The following ACTN1 variants were observed in gnomAD, a reference collection of about 807,000 sequenced individuals.
ACTN1 encodes actinin alpha 1.
In ACTN1, 30 loss-of-function variants were observed where a neutral mutation model predicts 119.6. The ratio of observed to expected loss-of-function variants is 0.25; its 90% CI spans 0.19 to 0.34. The LOEUF (loss-of-function observed/expected upper bound fraction) is 0.34, where lower values mean the gene tolerates loss of function less well. Ranked by LOEUF, ACTN1 falls within the 10% of genes least tolerant of loss-of-function variation. The probability of loss-of-function intolerance (pLI) is 1.00; values close to 1 mark genes in which losing one functional copy is unlikely to be tolerated. For missense variants in ACTN1, 764 were observed against 1,223.4 expected, an observed-to-expected ratio of 0.62 and a Z score of 5.60; for synonymous variants, 429 against 472.6, an observed-to-expected ratio of 0.91 and a Z score of 1.20.
intron 8 of ACTN1, among the ~76,000 whole-genome samples, chr14:68,899,265 C>T (rs991313324): frequency 6.8e-6 from 1 of 147,964 alleles, no homozygotes; most frequent in Non-Finnish European, 1.5e-5. Flanking sequence ...CACACACCCA[C>T]ATGCCACACC....
intron 3 of ACTN1, among the ~76,000 whole-genome samples, chr14:68,919,570 T>A (rs1034561430): frequency 3.3e-5 from 5 of 152,206 alleles, no homozygotes; most frequent in African/African-American, 9.6e-5. Flanking sequence ...ACTGTGTGCA[T>A]CATGCTGCTA....
intron 1 of ACTN1, among the ~76,000 whole-genome samples, chr14:68,953,780 G>T (rs577077659): frequency 1.3e-5 from 2 of 151,774 alleles, no homozygotes; most frequent in South Asian, 4.2e-4. Flanking sequence ...CCAGCTACTC[G>T]GGAGGCTGAG....
At position 68,925,320 on chromosome 14, in the gene ACTN1, T is replaced by A. The variant is rs1438075349; in HGVS notation, c.220+238A>T. Among the ~76,000 whole-genome samples the A allele has an allele frequency of 1.3e-5, 1 of 77,958 alleles. No homozygotes were observed. Among genetic ancestry groups the A allele is most frequent in the East Asian group, 2.1e-4 (1 of 4,728 alleles). The allele number at this position is 77,958 out of a possible 152,430, so 51.1% of individuals were successfully genotyped here. The stretch of plus-strand genomic sequence containing the variant: ...AGGAACCTCAGTTCCTTCAAACCCT[T>A]TTTTTTTTTTTTTTTTTTTTTAAAA... On this transcript the variant is annotated intron_variant, in intron 2 of 21. Transcript: ENST00000394419. The surrounding 1 kb of genome is among the most constrained non-coding windows in gnomAD (Gnocchi z 4.3).
chr14:68,892,715 G>C (rs1326556528), intron 9 of ACTN1, among the ~76,000 whole-genome samples: 1 of 152,178 alleles, frequency 6.6e-6, no homozygotes, highest in Non-Finnish European at 1.5e-5. Flanking sequence ...TAAGAATCTA[G>C]AATGTGGGTC....
rs1383210001 is a variant in ACTN1, at chr14:68,885,341, G to A, written c.1385+84C>T. The A allele has an allele frequency of 2.1e-5, 19 of 925,826 alleles. No individual in the cohort carries two copies. Among genetic ancestry groups the A allele is most frequent in the East Asian group, 2.0e-4 (5 of 24,832 alleles). 57.4% of individuals were successfully genotyped at this position (925,826 alleles called of 1,614,324 possible). On this transcript the variant is annotated intron_variant, in intron 12 of 21. Transcript: ENST00000394419. The surrounding 1 kb of genome is among the most constrained non-coding windows in gnomAD (Gnocchi z 5.6). ...TGTACCCACCCTCCCCATCTTCCACGGCCACACCCCCACCTCCCCCAGCAG... is the reference window on the plus strand; with the variant it reads ...TGTACCCACCCTCCCCATCTTCCACAGCCACACCCCCACCTCCCCCAGCAG...
intron 1 of ACTN1, among the ~76,000 whole-genome samples, chr14:68,968,785 T>C (rs549856168): frequency 6.6e-6 from 1 of 152,344 alleles, no homozygotes; most frequent in Admixed American, 6.5e-5. Context: ...AAGCCATCCA[T>C]ATGGGTATTG....
intron 8 of ACTN1, among the ~76,000 whole-genome samples, chr14:68,898,471 CA>C (rs1446718842): frequency 6.6e-6 from 1 of 152,208 alleles, no homozygotes; most frequent in African/African-American, 2.4e-5. Flanking sequence ...TTCATTCCAC[CA>C]TACAAGGTTG....
chr14:68,903,558 G>T (rs1204458918), intron 7 of ACTN1, among the ~76,000 whole-genome samples: 1 of 151,442 alleles, frequency 6.6e-6, no homozygotes, highest in Non-Finnish European at 1.5e-5. Flanking sequence ...AAAGCCACTG[G>T]TGGGGCAGAG....
intron 21 of ACTN1, 40 bp downstream of exon 21, chr14:68,877,042 C>A: frequency 6.2e-7 from 1 of 1,608,996 alleles, no homozygotes; most frequent in Non-Finnish European, 8.5e-7. Context: ...CCAGCCAGTG[C>A]CTGCCACCCC....
At chr14:68,910,386 T>G (rs1439976263) in intron 4 of ACTN1, among the ~76,000 whole-genome samples, 1 of 150,762 alleles carries the variant, frequency 6.6e-6, no homozygotes, top group Non-Finnish European at 1.5e-5. Context: ...GGGAGGAAGA[T>G]TTGATCTGGG....
At chr14:68,900,748 A>C (rs1337584445) in intron 8 of ACTN1, 2 of 152,278 alleles carry the variant, frequency 1.3e-5, no homozygotes, top group Non-Finnish European at 2.9e-5. Flanking sequence ...CTGCAGGAGA[A>C]GGAGGGGCTT....
At chr14:68,912,423 A>G (rs548750922) in intron 3 of ACTN1, among the ~76,000 whole-genome samples, 181 bp from the exon 4 acceptor site, 1 of 152,290 alleles carries the variant, frequency 6.6e-6, no homozygotes, top group African/African-American at 2.4e-5. Flanking sequence ...CTGTCACCCA[A>G]GCTAGCGTGC....
chr14:68,977,704 G>A (rs2037106914), intron 1 of ACTN1: 2 of 306,804 alleles, frequency 6.5e-6, no homozygotes, highest in Non-Finnish European at 1.3e-5. Context: ...CCCCTTTTAA[G>A]TTTAAAAAAG....
Position 68,910,023 on chromosome 14 carries a change from C to A in ACTN1, c.447G>T (p.Gly149=), listed in dbSNP as rs1008799170. The change falls in exon 5 of 22, where the codon GGG becomes GGT. Residue 149 remains glycine (G), a synonymous_variant. Coordinates refer to ENST00000394419, the MANE Select transcript of ACTN1 (RefSeq NM_001130004.2). ...ISVEETSAKE[G]LLLWCQRKTA... Reference sequence around the variant, plus strand: ...TCTTTCTCTGACACCACAGGAGCAGCCCTTCCTTGGCTGAAGTCTCTATGG... The same window carrying A: ...TCTTTCTCTGACACCACAGGAGCAGACCTTCCTTGGCTGAAGTCTCTATGG... The A allele has an allele frequency of 1.2e-6, 2 of 1,613,746 alleles. No individual in the cohort carries two copies. The highest frequency in any genetic ancestry group is 2.7e-5 in the African/African-American group (2 of 74,904).
intron 1 of ACTN1, chr14:68,978,348 G>A: frequency 2.6e-6 from 1 of 385,318 alleles, no homozygotes; most frequent in Non-Finnish European, 5.2e-6. Context: ...GGGGGAGCCC[G>A]CGTACGCCCC....
At chr14:68,927,798 T>C (rs2140402196) in intron 1 of ACTN1, among the ~76,000 whole-genome samples, 1 of 152,354 alleles carries the variant, frequency 6.6e-6, no homozygotes, top group African/African-American at 2.4e-5. Flanking sequence ...TTAAAGGATT[T>C]TTAACTCTTT....
rs74829257 is a variant in ACTN1 at position 68,919,024 on chromosome 14, C to G, written c.340+1982G>C. On this transcript the variant is annotated intron_variant, in intron 3 of 21. Transcript: ENST00000394419. ...AGATGGCCCACGTAAAGCACCCTGT[C>G]TAGCAACACAGAGCGGGTACTCGGT... Among the ~76,000 whole-genome samples the G allele has an allele frequency of 1.4e-3, 206 of 152,368 alleles. 3 individuals are homozygous for G. In the East Asian group the frequency reaches 0.033, roughly 24 times the overall value.
chr14:68,976,193 AC>A (rs2037054023), intron 1 of ACTN1, among the ~76,000 whole-genome samples: 1 of 152,168 alleles, frequency 6.6e-6, no homozygotes, highest in East Asian at 1.9e-4. Context: ...CTATGGCTGC[AC>A]CAAAGCTAAA....
intron 21 of ACTN1, among the ~76,000 whole-genome samples, chr14:68,875,543 C>A (rs907706102): frequency 6.6e-6 from 1 of 152,248 alleles, no homozygotes; most frequent in Non-Finnish European, 1.5e-5. Context: ...CGGGCCTTGC[C>A]CCATGCAAGC....
Sources: gnomAD v4.1 joint callset for allele counts (sites outside exome capture counted in the v4.1 genomes callset) on GRCh38, gnomAD v4.1.1 for gene constraint, Gnocchi (gnomAD v3.1) non-coding constraint, MANE v1.5 for transcripts, NCBI Gene and HGNC (gene_info 2026-07-23, HGNC 2026-07-21) for gene names.